The following XKR6 variants were observed in gnomAD, a reference collection of about 807,000 sequenced individuals.
XKR6 encodes XK related 6, also known as XK-related protein 6.
XKR6 carries 22 observed loss-of-function variants against 56.7 expected under a neutral mutation model. The ratio of observed to expected loss-of-function variants is 0.39; its 90% confidence interval spans 0.28 to 0.55. The LOEUF is 0.55. XKR6 is among the 20% of genes least tolerant of loss of function. The pLI, the probability that XKR6 is intolerant of heterozygous loss-of-function variation, is 0.66. For missense variants in XKR6, 852 were observed against 889.0 expected, an observed-to-expected ratio of 0.96 and a Z score of 0.53; for synonymous variants, 524 against 387.8, an observed-to-expected ratio of 1.35 and a Z score of -4.13.
intron 1 of XKR6, chr8:11,137,605 T>C (rs1010757418): frequency 2.2e-6 from 1 of 456,240 alleles, no homozygotes; most frequent in Non-Finnish European, 4.4e-6. Context: ...CCAGCTCTTC[T>C]ACACCAAATG....
In XKR6 at chr8:10,897,199, T is replaced by G. The variant is rs576149597; in HGVS notation, c.*753A>C. 1 of 152,678 alleles carries G rather than the reference T, an allele frequency of 6.5e-6. No homozygotes were observed. Among genetic ancestry groups the G allele is most frequent in the African/African-American group, 2.4e-5 (1 of 41,552 alleles). 9.5% of individuals were successfully genotyped at this position (152,678 alleles called of 1,614,324 possible). A position where few individuals can be genotyped will look rare whatever the true frequency, so the allele number is the denominator to read the frequency against. On this transcript the variant is annotated 3_prime_UTR_variant, in exon 3 of 3. Coordinates refer to ENST00000416569, the MANE Select transcript of XKR6 (RefSeq NM_173683.4). ...TTTGAGTTTCAAACAGCCCTTGAGC[T>G]CCTAGAAGGCTCTGCAAAGTGGGGA...
intron 1 of XKR6, among the ~76,000 whole-genome samples, chr8:11,101,416 G>T (rs1378003922): frequency 6.6e-6 from 1 of 152,170 alleles, no homozygotes; most frequent in Non-Finnish European, 1.5e-5. Context: ...TGGAGTATTA[G>T]CAGCAGTGAC....
intron 1 of XKR6, among the ~76,000 whole-genome samples, chr8:11,056,711 G>A (rs1298148752): frequency 2.0e-5 from 3 of 152,212 alleles, no homozygotes; most frequent in Admixed American, 6.5e-5. Flanking sequence ...GAAGTCTGAA[G>A]GGTGCTCATA....
intron 1 of XKR6, among the ~76,000 whole-genome samples, chr8:11,101,376 G>C (rs1172939631): frequency 6.6e-6 from 1 of 152,202 alleles, no homozygotes; most frequent in Non-Finnish European, 1.5e-5. Context: ...GTACACGGCT[G>C]AGAACAAAGG....
chr8:10,974,373 C>T (rs534480671), intron 1 of XKR6, among the ~76,000 whole-genome samples: 2 of 152,326 alleles, frequency 1.3e-5, no homozygotes, highest in Admixed American at 1.3e-4. Context: ...AGCTAATTCT[C>T]TCCTGAGTTT....
intron 1 of XKR6, among the ~76,000 whole-genome samples, chr8:11,037,317 C>A (rs1799171455): frequency 6.6e-6 from 1 of 152,188 alleles, no homozygotes; most frequent in Non-Finnish European, 1.5e-5. Flanking sequence ...CCTTCACCTC[C>A]CGGGCTCAAG....
chr8:11,177,448 G>T (rs142202331), intron 1 of XKR6, among the ~76,000 whole-genome samples: 3 of 152,152 alleles, frequency 2.0e-5, no homozygotes. Flanking sequence ...TGAGTGTTAT[G>T]GGCTCAATTC....
intron 1 of XKR6, among the ~76,000 whole-genome samples, chr8:11,051,608 AC>A (rs1212134240): frequency 6.6e-6 from 1 of 151,988 alleles, no homozygotes; most frequent in Non-Finnish European, 1.5e-5. Flanking sequence ...GATCCTTCTT[AC>A]CCCACCTGCA....
chr8:10,974,704 C>T (rs1187713075), intron 1 of XKR6, among the ~76,000 whole-genome samples: 1 of 152,170 alleles, frequency 6.6e-6, no homozygotes, highest in Non-Finnish European at 1.5e-5. Flanking sequence ...AGAAAAGTTA[C>T]CCCAGTGAGG....
chr8:11,155,326 A>G (rs1420585870), intron 1 of XKR6, among the ~76,000 whole-genome samples: 1 of 152,234 alleles, frequency 6.6e-6, no homozygotes, highest in African/African-American at 2.4e-5. Context: ...TGGTAGTCTG[A>G]TATGTTTAAA....
In XKR6 at chr8:10,943,222, C is replaced by T. The variant is rs80175414; in HGVS notation, c.765-18392G>A. ...TCGCAGATCTCAGGAGCATCACTGT[C>T]TGAGTTGTCACAGACAGGACAGGGT... On this transcript the variant is annotated intron_variant, in intron 1 of 2. Coordinates refer to ENST00000416569, the MANE Select transcript of XKR6 (RefSeq NM_173683.4). 1.0e-3 allele frequency among the ~76,000 whole-genome samples: 158 copies of T among 152,336 alleles called. 4 individuals carry two copies. The East Asian group carries it at 0.028, about 27-fold the overall frequency.
chr8:10,954,853 C>T (rs1369227107), intron 1 of XKR6, among the ~76,000 whole-genome samples: 1 of 99,462 alleles, frequency 1.0e-5, no homozygotes, highest in Admixed American at 9.1e-5. Context: ...AGGTAAGGGT[C>T]TAACTTCATT....
intron 1 of XKR6, among the ~76,000 whole-genome samples, chr8:10,938,406 C>T (rs372824835): frequency 1.2e-4 from 19 of 152,320 alleles, no homozygotes; most frequent in Non-Finnish European, 2.2e-4. Flanking sequence ...TGTTCCTATT[C>T]GGCCATCTTG....
At chr8:10,993,123 G>A (rs1193140558) in intron 1 of XKR6, among the ~76,000 whole-genome samples, 3 of 152,220 alleles carry the variant, frequency 2.0e-5, no homozygotes, top group South Asian at 2.1e-4. Context: ...AATGGAACAC[G>A]GAGGGCTTTT....
intron 1 of XKR6, among the ~76,000 whole-genome samples, chr8:10,996,707 G>C (rs1420562955): frequency 6.6e-6 from 1 of 152,202 alleles, no homozygotes; most frequent in Non-Finnish European, 1.5e-5. Context: ...TTTAGGGAAA[G>C]AAGACACTAA....
intron 1 of XKR6, among the ~76,000 whole-genome samples, chr8:11,095,598 C>CTGT (rs1798242678): frequency 6.6e-6 from 1 of 152,192 alleles, no homozygotes; most frequent in Non-Finnish European, 1.5e-5. Context: ...GATGTACTGA[C>CTGT]TGTGACAAAA....
chr8:10,957,961 A>G (rs979379907), intron 1 of XKR6, among the ~76,000 whole-genome samples: 1 of 152,170 alleles, frequency 6.6e-6, no homozygotes, highest in African/African-American at 2.4e-5. Flanking sequence ...TTAGATTTGT[A>G]ATTAAACTTT....
intron 1 of XKR6, chr8:11,109,002 T>A (rs1041893075): frequency 6.6e-6 from 1 of 152,290 alleles, no homozygotes; most frequent in Non-Finnish European, 1.5e-5. Flanking sequence ...CCTGAACTCA[T>A]AACGATGTAT....
At chr8:10,962,977 T>C (rs1427611633) in intron 1 of XKR6, among the ~76,000 whole-genome samples, 4 of 152,206 alleles carry the variant, frequency 2.6e-5, no homozygotes, top group Non-Finnish European at 5.9e-5. Context: ...CCTTTTTGAA[T>C]CTCTAAATAG....
Sources: gnomAD v4.1 joint callset for allele counts (sites outside exome capture counted in the v4.1 genomes callset) on GRCh38, gnomAD v4.1.1 for gene constraint, MANE v1.5 for transcripts, NCBI Gene and HGNC (gene_info 2026-07-23, HGNC 2026-07-21) for gene names.